COL22A1: variants seen among roughly 807,000 people sequenced by gnomAD.
COL22A1 encodes the protein collagen type XXII alpha 1 chain.
COL22A1 carries 221 observed loss-of-function variants against 248.9 expected under a neutral mutation model. The observed-to-expected ratio is 0.89, with a 90% CI of 0.80 to 0.99. The LOEUF is 0.99. COL22A1 is among the 50% of genes least tolerant of loss of function. The pLI is 0.00. For synonymous variants in COL22A1, 891 were observed against 793.4 expected (o/e 1.12, Z -2.07); for missense variants, 2,240 against 2,179.0 (o/e 1.03, Z -0.56).
intron 37 of COL22A1, among the ~76,000 whole-genome samples, chr8:138,687,702 A>G (rs189154862): frequency 2.0e-4 from 31 of 152,314 alleles, no homozygotes; most frequent in Non-Finnish European, 4.3e-4. Context: ...CTCACAACCT[A>G]TGATCAATGC....
chr8:138,660,905 C>CAT (rs1564158354), intron 43 of COL22A1, among the ~76,000 whole-genome samples: 3 of 81,544 alleles, frequency 3.7e-5, no homozygotes, highest in Non-Finnish European at 5.3e-5. Flanking sequence ...CACAAACACA[C>CAT]ACATACACAG....
At chr8:138,692,409 A>G (rs1300982238) in intron 35 of COL22A1, among the ~76,000 whole-genome samples, 2 of 116,678 alleles carry the variant, frequency 1.7e-5, no homozygotes, top group Non-Finnish European at 3.6e-5. Context: ...ATGTGTGTGT[A>G]TGTGTGTGTG....
intron 23 of COL22A1, among the ~76,000 whole-genome samples, chr8:138,735,525 G>C (rs1023336772): frequency 1.3e-5 from 2 of 152,194 alleles, no homozygotes; most frequent in Non-Finnish European, 2.9e-5. Flanking sequence ...AAGAGTTGTA[G>C]GGGGAAAAAT....
chr8:138,697,857 C>G (rs62527942), intron 32 of COL22A1, among the ~76,000 whole-genome samples: 9,410 of 152,290 alleles, frequency 0.062, 391 homozygotes, highest in Non-Finnish European at 0.093. Context: ...CGAAGCCAGT[C>G]CCGGGGAGAC....
intron 14 of COL22A1, 61 bp from the exon 15 acceptor site, chr8:138,778,467 G>T: frequency 6.9e-7 from 1 of 1,440,652 alleles, no homozygotes; most frequent in Non-Finnish European, 9.4e-7. Flanking sequence ...AAGTGCAGCC[G>T]TACAGCTCAG....
At chr8:138,899,747 C>A (rs1375459194) in intron 1 of COL22A1, among the ~76,000 whole-genome samples, 1 of 152,054 alleles carries the variant, frequency 6.6e-6, no homozygotes, top group Admixed American at 6.5e-5. Context: ...TGGTCTTAAA[C>A]CCCTGACCTC....
chr8:138,876,179 T>A (rs1468735444), intron 3 of COL22A1, among the ~76,000 whole-genome samples: 3 of 152,140 alleles, frequency 2.0e-5, no homozygotes, highest in African/African-American at 7.2e-5. Flanking sequence ...TTTCCCCAGC[T>A]GCACGGGCCC....
At chr8:138,630,894 G>T in intron 49 of COL22A1, 146 bp from the exon 50 acceptor site, 1 of 724,396 alleles carries the variant, frequency 1.4e-6, no homozygotes, top group Non-Finnish European at 2.4e-6. Flanking sequence ...CAATATTGTA[G>T]GTGGGCCCTG....
chr8:138,790,452 G>A lies in COL22A1; in HGVS notation c.1596+6367C>T, dbSNP rs114757684. ...CCCTGATATGCAGAAGTGTCTTGTGGTTTCCAGAGACCTTTCTTGGTCAAC... is the reference window on the plus strand; with the variant it reads ...CCCTGATATGCAGAAGTGTCTTGTGATTTCCAGAGACCTTTCTTGGTCAAC... On this transcript the variant is annotated intron_variant, in intron 12 of 64. Transcript: ENST00000303045. Among the ~76,000 whole-genome samples the A allele has an allele frequency of 6.9e-4, 105 of 152,264 alleles. 1 individual carries two copies. The highest frequency in any genetic ancestry group is 2.5e-3 in the African/African-American group (104 of 41,546).
intron 63 of COL22A1, among the ~76,000 whole-genome samples, chr8:138,592,042 G>A (rs1385352541): frequency 1.3e-5 from 2 of 152,162 alleles, no homozygotes; most frequent in African/African-American, 4.8e-5. Flanking sequence ...CAACACGCAT[G>A]TGGGCATGTG....
chr8:138,855,607 T>C (rs1365165742), intron 3 of COL22A1, among the ~76,000 whole-genome samples: 1 of 152,214 alleles, frequency 6.6e-6, no homozygotes, highest in African/African-American at 2.4e-5. Context: ...ACAACCCCTG[T>C]GCAGTAGCTC....
intron 23 of COL22A1, among the ~76,000 whole-genome samples, chr8:138,727,658 A>C (rs139348504): frequency 6.6e-6 from 1 of 152,044 alleles, no homozygotes; most frequent in Non-Finnish European, 1.5e-5. Flanking sequence ...ACAGGCATAG[A>C]CCAGGACCAT....
intron 53 of COL22A1, among the ~76,000 whole-genome samples, chr8:138,617,172 G>A (rs1309537848): frequency 1.3e-5 from 2 of 152,186 alleles, no homozygotes; most frequent in African/African-American, 4.8e-5. Flanking sequence ...TATGCTGTGG[G>A]AAGGGCTGCC....
At chr8:138,754,252 AT>A (rs1832823029) in intron 21 of COL22A1, among the ~76,000 whole-genome samples, 1 of 73,300 alleles carries the variant, frequency 1.4e-5, no homozygotes, top group Admixed American at 1.7e-4. Flanking sequence ...TCTAGTTTAA[AT>A]CTCTCAACAG....
Position 138,780,919 on chromosome 8 carries a change from G to T in COL22A1, c.1650+8C>A. 1 of 1,612,548 alleles carries T rather than the reference G, an allele frequency of 6.2e-7. No individual in the cohort carries two copies. The highest frequency in any genetic ancestry group is 8.5e-7 in the Non-Finnish European group (1 of 1,178,612). ...CTTGTGAGCCAGGGCAGACGGAACA[G>T]AACTTACTCTCATGCCTTTGCTGCC... On this transcript the variant is annotated splice_region_variant and intron_variant, in intron 13 of 64. Transcript: ENST00000303045.
intron 30 of COL22A1, among the ~76,000 whole-genome samples, chr8:138,715,431 T>C (rs1465422127): frequency 2.0e-5 from 3 of 151,828 alleles, no homozygotes; most frequent in African/African-American, 7.3e-5. Context: ...TAGCCAGGTG[T>C]GGTGGGGCAT....
chr8:138,594,002 C>T lies in COL22A1; in HGVS notation c.4615+15G>A. The stretch of plus-strand genomic sequence containing the variant: ...AGGAGTACACGGAGCATATCTCCTC[C>T]AGGTCTTCACTCACCTTTGGGACCT... On this transcript the variant is annotated intron_variant, in intron 63 of 64. Transcript: ENST00000303045. 1 of 1,532,592 alleles carries T rather than the reference C, an allele frequency of 6.5e-7. No homozygotes were observed. Among genetic ancestry groups the T allele is most frequent in the Non-Finnish European group, 8.7e-7 (1 of 1,147,280 alleles). The allele number at this position is 1,532,592 out of a possible 1,614,324, so 94.9% of individuals were successfully genotyped here.
chr8:138,734,924 C>G (rs1830993580), intron 23 of COL22A1, among the ~76,000 whole-genome samples: 1 of 152,026 alleles, frequency 6.6e-6, no homozygotes, highest in Admixed American at 6.6e-5. Context: ...GAACAGAAAA[C>G]CAAATACCAC....
At chr8:138,735,091 G>C (rs570070262) in intron 23 of COL22A1, among the ~76,000 whole-genome samples, 3 of 152,218 alleles carry the variant, frequency 2.0e-5, no homozygotes, top group Non-Finnish European at 4.4e-5. Flanking sequence ...CTAGATGACG[G>C]GTTGATAGGT....
Sources: gnomAD v4.1 joint callset for allele counts (sites outside exome capture counted in the v4.1 genomes callset) on GRCh38, gnomAD v4.1.1 for gene constraint, MANE v1.5 for transcripts, NCBI Gene and HGNC (gene_info 2026-07-23, HGNC 2026-07-21) for gene names.